Variants in VMP1 observed in about 807,000 individuals in gnomAD.
VMP1 encodes the protein vacuole membrane protein 1.
In VMP1, 11 loss-of-function variants were observed where a neutral mutation model predicts 56.0. That is an observed-to-expected ratio of 0.20 (90% CI 0.12 to 0.32). The LOEUF (loss-of-function observed/expected upper bound fraction) is 0.32. VMP1 is among the 10% of genes least tolerant of loss of function. VMP1 has a pLI of 1.00. For synonymous variants in VMP1, 149 were observed against 165.0 expected, an observed-to-expected ratio of 0.90 and a Z score of 0.74; for missense variants, 296 against 490.3, an observed-to-expected ratio of 0.60 and a Z score of 3.74.
chr17:59,788,216 C>T (rs1218972059), intron 7 of VMP1, among the ~76,000 whole-genome samples: 8 of 152,200 alleles, frequency 5.3e-5, no homozygotes, highest in African/African-American at 1.7e-4. Context: ...GGGCTTGGCG[C>T]GTTGGCTCAG....
Position 59,839,850 on chromosome 17 carries a change from T to C in VMP1, c.1160T>C (p.Met387Thr). 1.9e-6 allele frequency: 3 copies of C among 1,613,226 alleles called. No individual in the cohort carries two copies. The highest frequency in any genetic ancestry group is 2.5e-6 in the Non-Finnish European group (3 of 1,179,854). Reference sequence around the variant, plus strand: ...TTCATCCTATCTATCATTAACTCCATGGCACAAAGTTATGCCAAACGAATC... The same window carrying C: ...TTCATCCTATCTATCATTAACTCCACGGCACAAAGTTATGCCAAACGAATC... Reference protein sequence around the residue: ...CYFILSIINSMAQSYAKRIQQ... With the variant: ...CYFILSIINSTAQSYAKRIQQ... Residue 387 changes from methionine to threonine, a missense_variant, in exon 12 of 12, where the codon ATG becomes ACG. Around this residue, in one of 4 missense-constraint regions of VMP1, gnomAD observed 95 missense variants for 137.6 expected, o/e 0.69. Transcript: ENST00000262291.
chr17:59,721,041 C>A (rs1298448234), intron 1 of VMP1, among the ~76,000 whole-genome samples: 1 of 146,904 alleles, frequency 6.8e-6, no homozygotes, highest in Non-Finnish European at 1.5e-5. Context: ...AAAACAAAAA[C>A]ATGATATAAA....
intron 7 of VMP1, among the ~76,000 whole-genome samples, chr17:59,803,103 A>T (rs1003258532): frequency 6.6e-6 from 1 of 152,148 alleles, no homozygotes; most frequent in African/African-American, 2.4e-5. Flanking sequence ...GAAAATGTTT[A>T]CTGTTACTGT....
chr17:59,738,992 CTT>C (rs2035114267), intron 5 of VMP1, 45 bp downstream of exon 5: 1 of 1,431,044 alleles, frequency 7.0e-7, no homozygotes, highest in Non-Finnish European at 9.5e-7. Flanking sequence ...TATTTCCTAT[CTT>C]TTTATTGGTG....
intron 9 of VMP1, among the ~76,000 whole-genome samples, chr17:59,817,449 T>A (rs2038283998): frequency 6.6e-6 from 1 of 150,938 alleles, no homozygotes; most frequent in Non-Finnish European, 1.5e-5. Context: ...CCTCCTGGGT[T>A]CAAGCAATTC....
At chr17:59,731,129 A>T (rs1379515868) in intron 1 of VMP1, among the ~76,000 whole-genome samples, 1 of 152,158 alleles carries the variant, frequency 6.6e-6, no homozygotes, top group Non-Finnish European at 1.5e-5. Context: ...CCTTCTGTGG[A>T]CAGATTACCT....
chr17:59,819,227 T>C (rs2038354141), intron 10 of VMP1, among the ~76,000 whole-genome samples: 1 of 152,218 alleles, frequency 6.6e-6, no homozygotes, highest in South Asian at 2.1e-4. Context: ...GCTGCCTGAA[T>C]CCTTACAAAT....
At chr17:59,768,199 C>G (rs188112184) in intron 6 of VMP1, among the ~76,000 whole-genome samples, 2 of 152,186 alleles carry the variant, frequency 1.3e-5, no homozygotes, top group African/African-American at 2.4e-5. Flanking sequence ...AATGTTTGCT[C>G]TTCTTTCCTT....
intron 5 of VMP1, among the ~76,000 whole-genome samples, chr17:59,754,732 A>C (rs2035773148): frequency 6.6e-6 from 1 of 152,088 alleles, no homozygotes; most frequent in Non-Finnish European, 1.5e-5. Flanking sequence ...GAAGGCATGA[A>C]AGCTCTTCTC....
rs59397471 is a variant in VMP1, at chr17:59,794,995, C to CTTTT, written c.715-13785_715-13782dup. Among the ~76,000 whole-genome samples the CTTTT allele has an allele frequency of 8.2e-3, 992 of 121,144 alleles. 32 individuals are homozygous for CTTTT. Among genetic ancestry groups the CTTTT allele is most frequent in the African/African-American group, 0.015 (476 of 32,474 alleles). The allele number at this position is 121,144 out of a possible 152,430, so 79.5% of individuals were successfully genotyped here. A position where few individuals can be genotyped will look rare whatever the true frequency, so the allele number is the denominator to read the frequency against. On this transcript the variant is annotated intron_variant, in intron 7 of 11. Coordinates refer to ENST00000262291, the MANE Select transcript of VMP1 (RefSeq NM_030938.5). ...GTTGGCACTAAAAGGCAGATTTGAT[C>CTTTT]TTTTTTTTTTTTTTTTTTTGAGACG...
At chr17:59,711,849 A>G (rs1410863282) in intron 1 of VMP1, among the ~76,000 whole-genome samples, 1 of 152,192 alleles carries the variant, frequency 6.6e-6, no homozygotes, top group Non-Finnish European at 1.5e-5. Context: ...TAATCTTTTC[A>G]GTAGTTCATG....
intron 7 of VMP1, among the ~76,000 whole-genome samples, chr17:59,803,342 G>C (rs1235646894): frequency 1.3e-5 from 2 of 152,076 alleles, no homozygotes; most frequent in Non-Finnish European, 2.9e-5. Flanking sequence ...GAATTGCTGT[G>C]ACTTTTTTTT....
intron 9 of VMP1, among the ~76,000 whole-genome samples, chr17:59,817,323 CA>C (rs1236735484): frequency 1.4e-5 from 2 of 141,836 alleles, no homozygotes; most frequent in Non-Finnish European, 3.1e-5. Context: ...AAGTTGATAA[CA>C]TTTGAATTAA....
At chr17:59,822,156 A>G (rs577620257) in intron 10 of VMP1, among the ~76,000 whole-genome samples, 1 of 151,924 alleles carries the variant, frequency 6.6e-6, no homozygotes, top group South Asian at 2.1e-4. Context: ...TTTTCTAGAT[A>G]ATATATTAAA....
In VMP1 at chr17:59,721,866, A is replaced by G. The variant is rs140517936; in HGVS notation, c.-26-9555A>G. On this transcript the variant is annotated intron_variant, in intron 1 of 11. Coordinates refer to ENST00000262291, the MANE Select transcript of VMP1 (RefSeq NM_030938.5). ...GCAAAACCCCATCTATGTTTAAACAACAGAAATTGTTTTTCTCCCAGTTTT... is the reference window on the plus strand; with the variant it reads ...GCAAAACCCCATCTATGTTTAAACAGCAGAAATTGTTTTTCTCCCAGTTTT... Among the ~76,000 whole-genome samples, 4 of 152,362 alleles carry G rather than the reference A, an allele frequency of 2.6e-5. No individual in the cohort carries two copies. The East Asian group carries it at 7.7e-4, about 29-fold the overall frequency.
chr17:59,714,664 C>T (rs1386339157), intron 1 of VMP1, among the ~76,000 whole-genome samples: 1 of 139,354 alleles, frequency 7.2e-6, no homozygotes, highest in Non-Finnish European at 1.6e-5. Flanking sequence ...GGGGTGGGGG[C>T]GGTGCAGGGA....
rs1461157069 is a variant in VMP1, at chr17:59,839,784, C to G, written c.1094C>G (p.Ser365Cys). The change falls in exon 12 of 12, where the codon TCC becomes TGC. Residue 365 changes from serine to cysteine, a missense_variant. Ser to Cys is a moderately radical substitution (Grantham distance 112, BLOSUM62 -1). Coordinates refer to ENST00000262291, the MANE Select transcript of VMP1 (RefSeq NM_030938.5). The part of the protein sequence containing the change: ...MGTPQGENWL[S>C]WMFEKLVVVM... ...TTTCTACAGGGAGAAAACTGGTTGT[C>G]CTGGATGTTTGAAAAGTTGGTCGTT... 1.2e-6 allele frequency: 2 copies of G among 1,612,168 alleles called. No individual in the cohort carries two copies. The highest frequency in any genetic ancestry group is 1.7e-6 in the Non-Finnish European group (2 of 1,179,658).
intron 10 of VMP1, among the ~76,000 whole-genome samples, chr17:59,828,083 T>C (rs1031262457): frequency 1.3e-5 from 2 of 152,050 alleles, no homozygotes; most frequent in African/African-American, 4.8e-5. Flanking sequence ...AATCAGTTGA[T>C]TTTTAACAGA....
At chr17:59,804,739 G>C (rs184681581) in intron 7 of VMP1, among the ~76,000 whole-genome samples, 1 of 151,330 alleles carries the variant, frequency 6.6e-6, no homozygotes, top group African/African-American at 2.4e-5. Context: ...CCAATGCAGT[G>C]CTTTCCTGGT....
Sources: gnomAD v4.1 joint callset for allele counts (sites outside exome capture counted in the v4.1 genomes callset) on GRCh38, gnomAD v4.1.1 for gene constraint, gnomAD v4.1.1 regional missense constraint, MANE v1.5 for transcripts, NCBI Gene and HGNC (gene_info 2026-07-23, HGNC 2026-07-21) for gene names.